TMEM175: variants seen among roughly 807,000 people sequenced by gnomAD.
TMEM175 encodes transmembrane protein 175, also known as endosomal/lysosomal proton channel TMEM175.
Under a neutral mutation model 36.5 loss-of-function variants are expected in TMEM175, and 36 were observed. That is an observed-to-expected ratio of 0.99 (90% CI 0.76 to 1.30). The LOEUF is 1.30. Among genes scored for constraint, TMEM175 ranks in the 50% most tolerant of loss-of-function variants. The pLI, the probability that TMEM175 is intolerant of heterozygous loss-of-function variation, is 0.00. For missense variants in TMEM175, 705 were observed against 692.8 expected, an observed-to-expected ratio of 1.02 and a Z score of -0.20; for synonymous variants, 339 against 313.4, an observed-to-expected ratio of 1.08 and a Z score of -0.86.
intron 1 of TMEM175, among the ~76,000 whole-genome samples, chr4:942,016 A>C (rs761368962): frequency 1.4e-4 from 21 of 151,908 alleles, no homozygotes; most frequent in Non-Finnish European, 2.4e-4. Context: ...CTTCGAGTTA[A>C]CTTTTGTATG....
At chr4:936,736 A>G (rs543099069) in intron 1 of TMEM175, among the ~76,000 whole-genome samples, 2 of 152,286 alleles carry the variant, frequency 1.3e-5, no homozygotes, top group African/African-American at 2.4e-5. Context: ...CAGGTGGATC[A>G]CAAGGTCAGG....
At chr4:941,206 T>C (rs1286807140) in intron 1 of TMEM175, among the ~76,000 whole-genome samples, 1 of 150,050 alleles carries the variant, frequency 6.7e-6, no homozygotes, top group Non-Finnish European at 1.5e-5. Flanking sequence ...TGAAACCCTA[T>C]CTCTACTAAA....
intron 3 of TMEM175, among the ~76,000 whole-genome samples, chr4:948,932 G>A (rs1349280686): frequency 6.6e-6 from 1 of 152,206 alleles, no homozygotes; most frequent in Non-Finnish European, 1.5e-5. Context: ...GGGATGATGA[G>A]ACTTTACATA....
In TMEM175 at chr4:957,829, A is replaced by G; in HGVS notation, c.848A>G (p.Asp283Gly). Residue 283 changes from aspartate (D) to glycine (G), a missense_variant, in exon 11 of 11, where the codon GAC becomes GGC. Transcript: ENST00000264771. ...ATLLILDICE[D>G]NVPDPKDVKE... The stretch of plus-strand genomic sequence containing the variant: ...CATCTATTCACTGTTCTCAGCGAAG[A>G]CAACGTCCCGGACCCCAAGGATGTG... 1 of 1,605,618 alleles carries G rather than the reference A, an allele frequency of 6.2e-7. No homozygotes were observed. The highest frequency in any genetic ancestry group is 8.5e-7 in the Non-Finnish European group (1 of 1,175,722).
intron 10 of TMEM175, chr4:956,402 G>A (rs541233956): frequency 1.6e-4 from 201 of 1,289,216 alleles, no homozygotes; most frequent in Non-Finnish European, 1.8e-4. Flanking sequence ...CTGTTAGAGC[G>A]CGCGTCTCGT....
At chr4:947,018 G>C (rs1728239465) in intron 1 of TMEM175, among the ~76,000 whole-genome samples, 1 of 144,850 alleles carries the variant, frequency 6.9e-6, no homozygotes, top group South Asian at 2.2e-4. Flanking sequence ...CGCGGCCCCT[G>C]TAGGAGACAG....
At chr4:950,305 C>T (rs1419764354) in intron 3 of TMEM175, 116 bp from the exon 4 acceptor site, 2 of 814,174 alleles carry the variant, frequency 2.5e-6, no homozygotes, top group South Asian at 1.6e-5. Flanking sequence ...AGGACCCACC[C>T]GAGGGTTTCG....
At position 958,549 on chromosome 4, in the gene TMEM175, C is replaced by G. The variant is rs560324636; in HGVS notation, c.*53C>G. 10 of 1,408,808 alleles carry G rather than the reference C, an allele frequency of 7.1e-6. No homozygotes were observed. The African/African-American group carries it at 1.4e-4, about 20-fold the overall frequency. The allele number at this position is 1,408,808 out of a possible 1,614,324, so 87.3% of individuals were successfully genotyped here. A position where few individuals can be genotyped will look rare whatever the true frequency, so the allele number is the denominator to read the frequency against. ...CTCACCAGAGATGGACCAGGGAGGA[C>G]AGGATGCTGGGCAGGGGAAGCCAAG... On this transcript the variant is annotated 3_prime_UTR_variant, in exon 11 of 11. Transcript: ENST00000264771.
chr4:955,718 G>C, intron 9 of TMEM175, 37 bp from the exon 10 acceptor site: 1 of 1,603,534 alleles, frequency 6.2e-7, no homozygotes, highest in Non-Finnish European at 8.5e-7. Context: ...TCCACATGGG[G>C]GGTTTGGCCA....
intron 7 of TMEM175, 113 bp downstream of exon 7, chr4:952,563 CTGTGTGTGTGTG>C (rs147980248): frequency 1.7e-5 from 11 of 663,780 alleles, no homozygotes; most frequent in Admixed American, 2.4e-5. Flanking sequence ...GGGGCCTGCA[CTGTGTGTGTGTG>C]TGTGTGTGTG....
intron 1 of TMEM175, among the ~76,000 whole-genome samples, chr4:942,614 C>T (rs920435360): frequency 3.3e-5 from 5 of 149,396 alleles, no homozygotes; most frequent in African/African-American, 1.2e-4. Flanking sequence ...ATTATTTTGG[C>T]TGTTAAGGTT....
rs1043362326 is a variant in TMEM175 at position 957,807 on chromosome 4, C to G, written c.843-17C>G. 14 of 1,585,776 alleles carry G rather than the reference C, an allele frequency of 8.8e-6. No homozygotes were observed. Among genetic ancestry groups the G allele is most frequent in the Admixed American group, 3.4e-5 (2 of 58,354 alleles). Reference sequence around the variant, plus strand: ...CACGGCAAGGCCGGCACAAATGCATCTATTCACTGTTCTCAGCGAAGACAA... The same window carrying G: ...CACGGCAAGGCCGGCACAAATGCATGTATTCACTGTTCTCAGCGAAGACAA... On this transcript the variant is annotated splice_polypyrimidine_tract_variant and intron_variant, in intron 10 of 10. Coordinates refer to ENST00000264771, the MANE Select transcript of TMEM175 (RefSeq NM_032326.4).
chr4:954,456 G>C (rs1393466996), intron 8 of TMEM175, among the ~76,000 whole-genome samples: 1 of 151,752 alleles, frequency 6.6e-6, no homozygotes, highest in Non-Finnish European at 1.5e-5. Flanking sequence ...GGCAACAAAA[G>C]CACTGCTGGA....
rs372498015 is a variant in TMEM175, at chr4:955,453, G to A, written c.676G>A (p.Val226Ile). 1.1e-5 allele frequency: 17 copies of A among 1,614,038 alleles called. No homozygotes were observed. Among genetic ancestry groups the A allele is most frequent in the Non-Finnish European group, 1.4e-5 (16 of 1,180,020 alleles). The change falls in exon 9 of 11, where the codon GTC becomes ATC. Residue 226 changes from valine to isoleucine, a missense_variant. Physicochemically the swap from Val to Ile is conservative, Grantham distance 29. Transcript: ENST00000264771. Reference sequence around the variant, plus strand: ...CATCCTCCTCCCCTATGTCAGCAAGGTCACCGGCTGGTGCAGAGACAGGCT... The same window carrying A: ...CATCCTCCTCCCCTATGTCAGCAAGATCACCGGCTGGTGCAGAGACAGGCT... ...TVILLPYVSK[V>I]TGWCRDRLLG...
Position 951,676 on chromosome 4 carries a change from C to T in TMEM175, c.343-6C>T, listed in dbSNP as rs759363680. 7.4e-6 allele frequency: 12 copies of T among 1,614,170 alleles called. No homozygotes were observed. The South Asian group carries it at 1.2e-4, about 16-fold the overall frequency. On this transcript the variant is annotated splice_polypyrimidine_tract_variant and splice_region_variant and intron_variant, in intron 5 of 10. Transcript: ENST00000264771. Reference sequence around the variant, plus strand: ...ATCATGGCTGTGATGCCCTCCCTCCCTCCAGGCCTGCATGATGACCATCAC... The same window carrying T: ...ATCATGGCTGTGATGCCCTCCCTCCTTCCAGGCCTGCATGATGACCATCAC...
chr4:945,125 C>T (rs1427097000), intron 1 of TMEM175, among the ~76,000 whole-genome samples: 2 of 81,050 alleles, frequency 2.5e-5, no homozygotes, highest in Admixed American at 1.1e-4. Context: ...AGAAAAACTG[C>T]GTGTTGCCTC....
In TMEM175 at chr4:957,990, G is replaced by A. The variant is rs765705098; in HGVS notation, c.1009G>A (p.Ala337Thr). ...CTCACTCTTCCTGCATGTGCGCAAG[G>A]CCACGCGGGCCATGGGGCTGCTGAA... ...HHSLFLHVRK[A>T]TRAMGLLNTL... Residue 337 changes from alanine to threonine, a missense_variant, in exon 11 of 11, where the codon GCC (alanine) becomes ACC (threonine). By Grantham distance (58) the Ala-to-Thr change is moderately conservative. Coordinates refer to ENST00000264771, the MANE Select transcript of TMEM175 (RefSeq NM_032326.4). 1.2e-6 allele frequency: 2 copies of A among 1,612,792 alleles called. No individual in the cohort carries two copies. Among genetic ancestry groups the A allele is most frequent in the Non-Finnish European group, 1.7e-6 (2 of 1,179,926 alleles).
At position 950,571 on chromosome 4, in the gene TMEM175, C is replaced by T. The variant is rs1479532605; in HGVS notation, c.290+53C>T. ...CATAGCTGCTCTCAAGGTTCCCGTACCCCGCACCACATCACGCACGGGTCC... is the reference window on the plus strand; with the variant it reads ...CATAGCTGCTCTCAAGGTTCCCGTATCCCGCACCACATCACGCACGGGTCC... On this transcript the variant is annotated intron_variant, in intron 4 of 10. Transcript: ENST00000264771. 1.5e-5 allele frequency: 20 copies of T among 1,342,826 alleles called. No homozygotes were observed. In the East Asian group the frequency reaches 2.7e-4, roughly 18 times the overall value. 83.2% of individuals were successfully genotyped at this position (1,342,826 alleles called of 1,614,324 possible).
At chr4:940,862 C>T (rs1345640387) in intron 1 of TMEM175, among the ~76,000 whole-genome samples, 1 of 150,036 alleles carries the variant, frequency 6.7e-6, no homozygotes, top group Non-Finnish European at 1.5e-5. Context: ...AAAAATTAGC[C>T]AGGCGTGGTG....
Sources: gnomAD v4.1 joint callset for allele counts (sites outside exome capture counted in the v4.1 genomes callset) on GRCh38, gnomAD v4.1.1 for gene constraint, MANE v1.5 for transcripts, NCBI Gene and HGNC (gene_info 2026-07-23, HGNC 2026-07-21) for gene names.